Variants in NRXN1 observed in about 807,000 individuals in gnomAD.
NRXN1 encodes neurexin-1.
In NRXN1, 39 loss-of-function variants were observed where a neutral mutation model predicts 150.9. The observed-to-expected ratio is 0.26, with a 90% CI of 0.20 to 0.34. The LOEUF (loss-of-function observed/expected upper bound fraction) is 0.34. Ranked by LOEUF, NRXN1 falls within the 10% of genes least tolerant of loss-of-function variation. NRXN1 has a pLI of 1.00. For missense variants in NRXN1, 1,815 were observed against 1,949.9 expected, an observed-to-expected ratio of 0.93 and a Z score of 1.30; for synonymous variants, 924 against 757.0, an observed-to-expected ratio of 1.22 and a Z score of -3.62.
intron 17 of NRXN1, among the ~76,000 whole-genome samples, chr2:50,424,809 T>C (rs1184012107): frequency 6.6e-6 from 1 of 152,220 alleles, no homozygotes; most frequent in African/African-American, 2.4e-5. Context: ...GCTCTGATTC[T>C]AATTTTCTGA....
chr2:50,319,941 C>T (rs553485044), intron 17 of NRXN1, among the ~76,000 whole-genome samples: 1 of 151,982 alleles, frequency 6.6e-6, no homozygotes, highest in African/African-American at 2.4e-5. Flanking sequence ...AGGACATGCT[C>T]ACTTTGGCAA....
chr2:49,966,840 C>T (rs1041312012), intron 21 of NRXN1, among the ~76,000 whole-genome samples: 1 of 151,846 alleles, frequency 6.6e-6, no homozygotes, highest in African/African-American at 2.4e-5. Flanking sequence ...GATTTCCCAA[C>T]GAAACCAAAA....
Position 50,907,766 on chromosome 2 carries a change from T to C in NRXN1, c.832+14103A>G, listed in dbSNP as rs541157552. Among the ~76,000 whole-genome samples the C allele has an allele frequency of 2.0e-5, 3 of 152,182 alleles. No homozygotes were observed. In the East Asian group the frequency reaches 5.8e-4, roughly 30 times the overall value. On this transcript the variant is annotated intron_variant, in intron 5 of 22. Transcript: ENST00000401669. ...GATAGAAAAGGAAGAAAGCAGATTC[T>C]TTGCAAGTGCTTCTAACAGAAATGC...
intron 18 of NRXN1, among the ~76,000 whole-genome samples, chr2:50,193,405 AG>A (rs2061566027): frequency 6.6e-6 from 1 of 152,102 alleles, no homozygotes; most frequent in Non-Finnish European, 1.5e-5. Flanking sequence ...TACCAAACAA[AG>A]CTGCTGTGTT....
At chr2:50,396,005 A>G (rs2082029557) in intron 17 of NRXN1, among the ~76,000 whole-genome samples, 1 of 152,190 alleles carries the variant, frequency 6.6e-6, no homozygotes, top group South Asian at 2.1e-4. Context: ...GAGTATCCTT[A>G]CCAGTAGATT....
intron 19 of NRXN1, among the ~76,000 whole-genome samples, chr2:50,057,268 A>T (rs77682770): frequency 8.0e-4 from 121 of 152,044 alleles, no homozygotes; most frequent in Non-Finnish European, 1.4e-3. Flanking sequence ...ACTTCTTTCA[A>T]TTCTTCCAAA....
chr2:51,008,014 A>G (rs1667289462), intron 2 of NRXN1, among the ~76,000 whole-genome samples: 1 of 151,982 alleles, frequency 6.6e-6, no homozygotes, highest in Admixed American at 6.6e-5. Flanking sequence ...AAATAATAGT[A>G]GAAAACAATA....
At chr2:50,907,077 T>A (rs1273235717) in intron 5 of NRXN1, among the ~76,000 whole-genome samples, 1 of 151,394 alleles carries the variant, frequency 6.6e-6, no homozygotes, top group Non-Finnish European at 1.5e-5. Context: ...AAGTAAGCCA[T>A]AAAATGTAGA....
chr2:50,637,155 T>C (rs1392573832), intron 5 of NRXN1, among the ~76,000 whole-genome samples: 1 of 152,156 alleles, frequency 6.6e-6, no homozygotes, highest in Non-Finnish European at 1.5e-5. Flanking sequence ...TATTCTGTTA[T>C]GCTGCATTTT....
At chr2:50,016,937 C>T (rs1686733434) in intron 21 of NRXN1, among the ~76,000 whole-genome samples, 1 of 152,082 alleles carries the variant, frequency 6.6e-6, no homozygotes, top group South Asian at 2.1e-4. Context: ...CAATAATATC[C>T]GTAAGTAACA....
chr2:50,766,872 A>G (rs1702449033), intron 5 of NRXN1, among the ~76,000 whole-genome samples: 1 of 152,102 alleles, frequency 6.6e-6, no homozygotes, highest in Admixed American at 6.6e-5. Context: ...TATTACATGG[A>G]CAAAACAATA....
chr2:50,401,033 C>A (rs1290905941), intron 17 of NRXN1, among the ~76,000 whole-genome samples: 1 of 151,972 alleles, frequency 6.6e-6, no homozygotes, highest in African/African-American at 2.4e-5. Flanking sequence ...TATTGTGGAC[C>A]TTTTCTGATA....
At chr2:50,562,768 A>C (rs1432534071) in intron 8 of NRXN1, among the ~76,000 whole-genome samples, 1 of 152,076 alleles carries the variant, frequency 6.6e-6, no homozygotes, top group Non-Finnish European at 1.5e-5. Context: ...AAGGCCTACC[A>C]CATATTAAAT....
intron 5 of NRXN1, among the ~76,000 whole-genome samples, chr2:50,740,592 T>C (rs1156620139): frequency 1.3e-5 from 2 of 152,190 alleles, no homozygotes; most frequent in African/African-American, 4.8e-5. Context: ...TGTATGTGTG[T>C]TTGACTGTGT....
intron 21 of NRXN1, among the ~76,000 whole-genome samples, chr2:49,978,989 A>G (rs1448089321): frequency 2.6e-5 from 4 of 152,158 alleles, no homozygotes; most frequent in Admixed American, 6.5e-5. Flanking sequence ...ATCATAGATA[A>G]CAACCAGGGT....
At chr2:50,697,047 G>A (rs1462069761) in intron 5 of NRXN1, among the ~76,000 whole-genome samples, 7 of 151,978 alleles carry the variant, frequency 4.6e-5, no homozygotes, top group African/African-American at 1.2e-4. Context: ...ATACACAAAC[G>A]TCCTACTGTA....
intron 12 of NRXN1, among the ~76,000 whole-genome samples, chr2:50,526,283 T>A (rs2092949667): frequency 6.6e-6 from 1 of 152,198 alleles, no homozygotes; most frequent in Non-Finnish European, 1.5e-5. Context: ...TTGTGATAAT[T>A]TTCTTAAAAG....
rs1458852073 is a variant in NRXN1 at position 50,329,665 on chromosome 2, A to T, written c.3365-92695T>A. 4.6e-3 allele frequency among the ~76,000 whole-genome samples: 115 copies of T among 25,244 alleles called. 6 individuals carry two copies. The highest frequency in any genetic ancestry group is 0.022 in the African/African-American group (105 of 4,722). 16.6% of individuals were successfully genotyped at this position (25,244 alleles called of 152,430 possible). On this transcript the variant is annotated intron_variant, in intron 17 of 22. Coordinates refer to ENST00000401669, the MANE Select transcript of NRXN1 (RefSeq NM_001330078.2). ...TATATATATATATATATATATATAT[A>T]TATATATATTTTTTTTTTTCCCCCC...
At chr2:50,721,953 G>A (rs1043793087) in intron 5 of NRXN1, among the ~76,000 whole-genome samples, 1 of 152,094 alleles carries the variant, frequency 6.6e-6, no homozygotes, top group Non-Finnish European at 1.5e-5. Flanking sequence ...GTTGAATTGT[G>A]ATTTTTGCAT....
Sources: gnomAD v4.1 joint callset for allele counts (sites outside exome capture counted in the v4.1 genomes callset) on GRCh38, gnomAD v4.1.1 for gene constraint, MANE v1.5 for transcripts, NCBI Gene and HGNC (gene_info 2026-07-23, HGNC 2026-07-21) for gene names.